RALGAPA1: variants seen among roughly 807,000 people sequenced by gnomAD.
RALGAPA1 encodes Ral GTPase activating protein catalytic subunit alpha 1, also known as ral GTPase-activating protein subunit alpha-1.
A neutral mutation model predicts 269.6 loss-of-function variants in RALGAPA1; 52 were observed. The observed-to-expected ratio is 0.19, with a 90% CI of 0.15 to 0.24. The LOEUF (loss-of-function observed/expected upper bound fraction) is 0.24, where lower values mean the gene tolerates loss of function less well. Among genes scored for constraint, RALGAPA1 ranks in the 10% least tolerant of loss-of-function variants. The pLI is 1.00. For missense variants in RALGAPA1, 1,917 were observed against 3,013.9 expected (o/e 0.64, Z 8.52); for synonymous variants, 817 against 1,008.3 (o/e 0.81, Z 3.60).
chr14:35,694,948 C>T (rs747914958), intron 17 of RALGAPA1, among the ~76,000 whole-genome samples: 41 of 151,988 alleles, frequency 2.7e-4, no homozygotes, highest in Non-Finnish European at 1.6e-4. Flanking sequence ...GGCATGGTGG[C>T]GGACTTCTGT....
chr14:35,544,961 T>G (rs1347544274), intron 41 of RALGAPA1, among the ~76,000 whole-genome samples: 1 of 151,968 alleles, frequency 6.6e-6, no homozygotes, highest in Non-Finnish European at 1.5e-5. Context: ...GCAGGAGAAT[T>G]GCTTGAACCC....
chr14:35,694,059 T>C (rs1049769764), intron 17 of RALGAPA1, among the ~76,000 whole-genome samples: 1 of 151,970 alleles, frequency 6.6e-6, no homozygotes, highest in African/African-American at 2.4e-5. Context: ...AAGTATGGGC[T>C]TAATAAATAC....
Position 35,688,436 on chromosome 14 carries a change from C to T in RALGAPA1, c.3952+23G>A, listed in dbSNP as rs1000633315. On this transcript the variant is annotated intron_variant, in intron 18 of 41. Coordinates refer to ENST00000680220, the MANE Select transcript of RALGAPA1 (RefSeq NM_001346249.2). ...CTGGTGCTGTCTTTCTCCTTTTGCG[C>T]TCTGCACACTGTTAGTGCTCACCTG... 2.6e-6 allele frequency: 4 copies of T among 1,535,966 alleles called. No individual in the cohort carries two copies. The African/African-American group carries it at 4.1e-5, about 16-fold the overall frequency.
chr14:35,648,449 G>C (rs2139960955), intron 31 of RALGAPA1, among the ~76,000 whole-genome samples: 1 of 148,586 alleles, frequency 6.7e-6, no homozygotes, highest in Non-Finnish European at 1.5e-5. Context: ...TTGGGCAACA[G>C]AGCAAAACTC....
rs2072374688 is a variant in RALGAPA1, at chr14:35,748,675, A to G, written c.1161T>C (p.Asp387=). Residue 387 remains aspartate, a synonymous_variant, in exon 10 of 42, where the codon GAT becomes GAC. Transcript: ENST00000680220. The part of the protein sequence containing the change: ...EPSSSSLCSI[D]EEHLTDIEIV... Reference sequence around the variant, plus strand: ...TTTCAATGTCTGTGAGATGTTCTTCATCAATACTACAGAGACTAGATGAGC... The same window carrying G: ...TTTCAATGTCTGTGAGATGTTCTTCGTCAATACTACAGAGACTAGATGAGC... The G allele has an allele frequency of 6.2e-7, 1 of 1,613,408 alleles. No individual in the cohort carries two copies. The highest frequency in any genetic ancestry group is 1.7e-5 in the Admixed American group (1 of 59,918).
intron 33 of RALGAPA1, 87 bp downstream of exon 33, chr14:35,634,487 C>T (rs571917313): frequency 1.9e-6 from 2 of 1,046,718 alleles, no homozygotes; most frequent in South Asian, 2.3e-5. Context: ...GACATACTCT[C>T]CTTCTCCAAT....
intron 31 of RALGAPA1, among the ~76,000 whole-genome samples, chr14:35,642,032 T>C (rs2062065175): frequency 6.6e-6 from 1 of 152,224 alleles, no homozygotes; most frequent in Admixed American, 6.5e-5. Flanking sequence ...CTGAGATAAC[T>C]GGTTATCCAC....
At chr14:35,658,965 G>A (rs190659126) in intron 28 of RALGAPA1, among the ~76,000 whole-genome samples, 173 bp downstream of exon 28, 32 of 152,096 alleles carry the variant, frequency 2.1e-4, no homozygotes, top group Non-Finnish European at 3.4e-4. Flanking sequence ...AGAAAGGTTA[G>A]TATTTAAATC....
chr14:35,616,776 A>G (rs1411396878), intron 35 of RALGAPA1, among the ~76,000 whole-genome samples: 1 of 152,190 alleles, frequency 6.6e-6, no homozygotes, highest in Admixed American at 6.5e-5. Context: ...AGAACTTTAG[A>G]CTTGATGGTC....
rs2077045161 is a variant in RALGAPA1 at position 35,802,436 on chromosome 14, C to T, written c.106+6294G>A. Among the ~76,000 whole-genome samples, 3 of 152,136 alleles carry T rather than the reference C, an allele frequency of 2.0e-5. No homozygotes were observed. In the South Asian group the frequency reaches 6.2e-4, roughly 32 times the overall value. On this transcript the variant is annotated intron_variant, in intron 1 of 41. Coordinates refer to ENST00000680220, the MANE Select transcript of RALGAPA1 (RefSeq NM_001346249.2). ...GAAATAGATATAAAGGTAACATTTA[C>T]AAAAGATCAAAGTAGAAAGTATTTA...
chr14:35,671,240 T>A, intron 26 of RALGAPA1, 149 bp downstream of exon 26: 1 of 569,124 alleles, frequency 1.8e-6, no homozygotes, highest in South Asian at 3.6e-5. Flanking sequence ...ATTTCAGATT[T>A]CTTGCTTACT....
intron 1 of RALGAPA1, among the ~76,000 whole-genome samples, chr14:35,791,764 G>T (rs548102474): frequency 6.6e-6 from 1 of 151,392 alleles, no homozygotes; most frequent in Non-Finnish European, 1.5e-5. Context: ...AAATTAGCTC[G>T]GCGTGGTGGC....
At chr14:35,588,225 G>A (rs751219598) in intron 37 of RALGAPA1, among the ~76,000 whole-genome samples, 5 of 152,106 alleles carry the variant, frequency 3.3e-5, no homozygotes, top group Admixed American at 2.6e-4. Flanking sequence ...CATCGCTCCC[G>A]GCCAACAACT....
intron 7 of RALGAPA1, among the ~76,000 whole-genome samples, chr14:35,752,575 A>C (rs2141268240): frequency 6.6e-6 from 1 of 152,324 alleles, no homozygotes; most frequent in African/African-American, 2.4e-5. Context: ...GACGCAGGGC[A>C]TCCATAAAGG....
chr14:35,803,444 A>G (rs2077118901), intron 1 of RALGAPA1, among the ~76,000 whole-genome samples: 1 of 152,114 alleles, frequency 6.6e-6, no homozygotes, highest in African/African-American at 2.4e-5. Flanking sequence ...TTTTAGATAC[A>G]AAATAAAAAA....
chr14:35,769,035 AATATATATATATATAT>A (rs200538547), intron 4 of RALGAPA1, among the ~76,000 whole-genome samples: 19 of 58,306 alleles, frequency 3.3e-4, no homozygotes, highest in African/African-American at 1.5e-3. Flanking sequence ...AAAAAAAAAA[AATATATATATATATAT>A]ATATATATAT....
At chr14:35,593,256 A>C (rs1317559698) in intron 37 of RALGAPA1, among the ~76,000 whole-genome samples, 2 of 152,196 alleles carry the variant, frequency 1.3e-5, no homozygotes, top group Non-Finnish European at 2.9e-5. Context: ...ATGATACCAT[A>C]AACATACTTA....
At chr14:35,781,532 T>C (rs920708714) in intron 1 of RALGAPA1, among the ~76,000 whole-genome samples, 5 of 152,050 alleles carry the variant, frequency 3.3e-5, no homozygotes, top group Non-Finnish European at 7.4e-5. Flanking sequence ...ATATCCTTTA[T>C]GAATATGAAT....
At chr14:35,790,860 A>G (rs1165810237) in intron 1 of RALGAPA1, among the ~76,000 whole-genome samples, 1 of 152,188 alleles carries the variant, frequency 6.6e-6, no homozygotes, top group African/African-American at 2.4e-5. Flanking sequence ...GCAAAAGGGT[A>G]ATCGCTTAAA....
Sources: allele counts gnomAD v4.1 joint callset (sites outside exome capture counted in the v4.1 genomes callset), GRCh38; gene constraint gnomAD v4.1.1; transcripts MANE v1.5; gene names NCBI Gene and HGNC (gene_info 2026-07-23, HGNC 2026-07-21).